Variants in SLC9A9 observed in about 807,000 individuals in gnomAD.
SLC9A9 encodes the protein sodium/hydrogen exchanger 9.
A neutral mutation model predicts 77.8 loss-of-function variants in SLC9A9; 62 were observed. The observed-to-expected ratio is 0.80, with a 90% confidence interval of 0.65 to 0.98. SLC9A9 has a LOEUF of 0.98. Ranked by LOEUF, SLC9A9 falls within the 50% of genes least tolerant of loss-of-function variation. SLC9A9 has a pLI of 0.00. For synonymous variants in SLC9A9, 320 were observed against 283.5 expected (o/e 1.13, Z -1.29); for missense variants, 775 against 774.9 (o/e 1.00, Z 0.00).
intron 6 of SLC9A9, among the ~76,000 whole-genome samples, chr3:143,645,086 A>T (rs1188653992): frequency 6.6e-6 from 1 of 152,188 alleles, no homozygotes; most frequent in East Asian, 1.9e-4. Flanking sequence ...AGCAGAATGA[A>T]CATGAAATAT....
At chr3:143,841,782 G>GAA (rs55778212) in intron 1 of SLC9A9, among the ~76,000 whole-genome samples, 1 of 4,532 alleles carries the variant, frequency 2.2e-4, no homozygotes, top group African/African-American at 3.5e-4. Flanking sequence ...TTTTGATACA[G>GAA]TCTTCCCGTC....
chr3:143,268,783 C>T, intron 15 of SLC9A9, 92 bp downstream of exon 15: 2 of 701,308 alleles, frequency 2.9e-6, no homozygotes, highest in Non-Finnish European at 4.9e-6. Context: ...CTGCAAGTAG[C>T]AGGCTTTTTG....
intron 5 of SLC9A9, among the ~76,000 whole-genome samples, chr3:143,672,909 C>G (rs367821173): frequency 1.3e-5 from 2 of 152,170 alleles, no homozygotes; most frequent in East Asian, 1.9e-4. Flanking sequence ...CTATTTTTAT[C>G]AAAACAGCAG....
At chr3:143,280,128 C>T (rs1356583636) in intron 14 of SLC9A9, among the ~76,000 whole-genome samples, 2 of 152,178 alleles carry the variant, frequency 1.3e-5, no homozygotes, top group East Asian at 1.9e-4. Context: ...GCCTAGAACT[C>T]CCCTTTCTTA....
At chr3:143,726,381 T>C (rs1934656882) in intron 4 of SLC9A9, among the ~76,000 whole-genome samples, 2 of 152,174 alleles carry the variant, frequency 1.3e-5, no homozygotes, top group African/African-American at 4.8e-5. Context: ...ATTGACATGG[T>C]ATTTAAATGA....
intron 9 of SLC9A9, among the ~76,000 whole-genome samples, chr3:143,519,469 A>G (rs114369042): frequency 0.012 from 1,813 of 152,254 alleles, 46 homozygotes; most frequent in African/African-American, 0.042. Context: ...TAAGTGTGGG[A>G]ATCAGGAACC....
intron 4 of SLC9A9, among the ~76,000 whole-genome samples, chr3:143,752,940 G>A (rs1012525468): frequency 5.3e-5 from 8 of 152,130 alleles, no homozygotes; most frequent in South Asian, 2.1e-4. Flanking sequence ...GTTTCCTGGC[G>A]TAAGGAGTCC....
chr3:143,532,351 T>C (rs951252161), intron 9 of SLC9A9, among the ~76,000 whole-genome samples: 1 of 152,202 alleles, frequency 6.6e-6, no homozygotes, highest in African/African-American at 2.4e-5. Context: ...CTGGATATAA[T>C]TCATACAAAC....
chr3:143,309,327 T>C (rs2030930875), intron 14 of SLC9A9, among the ~76,000 whole-genome samples: 1 of 152,130 alleles, frequency 6.6e-6, no homozygotes, highest in Non-Finnish European at 1.5e-5. Flanking sequence ...CATTATTTCT[T>C]TCTTGGCTAA....
chr3:143,518,014 T>G (rs4025521), intron 9 of SLC9A9: 1 of 1,421,452 alleles, frequency 7.0e-7, no homozygotes, highest in African/African-American at 1.4e-5. Context: ...TTGACGGTTC[T>G]TCTGCCTTTA....
chr3:143,472,082 T>C (rs2035387018), intron 11 of SLC9A9, among the ~76,000 whole-genome samples: 1 of 152,184 alleles, frequency 6.6e-6, no homozygotes, highest in South Asian at 2.1e-4. Context: ...TATAAATATT[T>C]CTTAGGGCAT....
chr3:143,777,940 T>G (rs553393012), intron 4 of SLC9A9, among the ~76,000 whole-genome samples: 3 of 148,604 alleles, frequency 2.0e-5, no homozygotes, highest in Non-Finnish European at 4.4e-5. Flanking sequence ...GTCTTGAACT[T>G]CTGACCTCAT....
At chr3:143,575,359 T>C (rs2037340783) in intron 7 of SLC9A9, among the ~76,000 whole-genome samples, 2 of 152,242 alleles carry the variant, frequency 1.3e-5, no homozygotes, top group African/African-American at 4.8e-5. Flanking sequence ...TTGACCACTG[T>C]GTGCCTGAGT....
chr3:143,727,300 T>C (rs1934679684), intron 4 of SLC9A9, among the ~76,000 whole-genome samples: 1 of 151,724 alleles, frequency 6.6e-6, no homozygotes, highest in Admixed American at 6.6e-5. Context: ...CTGCCAGCCA[T>C]AAAATTTTGG....
chr3:143,518,377 T>C (rs940054174), intron 9 of SLC9A9: 1 of 608,436 alleles, frequency 1.6e-6, no homozygotes, highest in South Asian at 2.0e-5. Context: ...GTAGATATTA[T>C]GGAATGTTTA....
intron 11 of SLC9A9, among the ~76,000 whole-genome samples, chr3:143,492,527 C>T (rs908243239): frequency 1.3e-5 from 2 of 152,162 alleles, no homozygotes; most frequent in East Asian, 3.9e-4. Flanking sequence ...GAAGGCAAAA[C>T]AAGCCTTTTA....
chr3:143,571,459 T>C (rs1167657171), intron 8 of SLC9A9, among the ~76,000 whole-genome samples: 1 of 152,150 alleles, frequency 6.6e-6, no homozygotes, highest in Admixed American at 6.5e-5. Flanking sequence ...TATTGAAAGT[T>C]GATATGAGAA....
chr3:143,419,417 A>G (rs1321610377), intron 12 of SLC9A9, among the ~76,000 whole-genome samples: 1 of 152,174 alleles, frequency 6.6e-6, no homozygotes, highest in Admixed American at 6.5e-5. Flanking sequence ...AAGTTTCTCT[A>G]AGTCACTCTT....
chr3:143,508,968 GT>G (rs2036071511), intron 9 of SLC9A9, among the ~76,000 whole-genome samples: 1 of 152,138 alleles, frequency 6.6e-6, no homozygotes, highest in Non-Finnish European at 1.5e-5. Flanking sequence ...TCTACAGGTG[GT>G]TATAAGTTTA....
Sources: gnomAD v4.1 joint callset for allele counts (sites outside exome capture counted in the v4.1 genomes callset) on GRCh38, gnomAD v4.1.1 for gene constraint, MANE v1.5 for transcripts, NCBI Gene and HGNC (gene_info 2026-07-23, HGNC 2026-07-21) for gene names.